GFPT2: variants seen among roughly 807,000 people sequenced by gnomAD.
GFPT2 encodes the protein glutamine--fructose-6-phosphate transaminase 2.
In GFPT2, 62 loss-of-function variants were observed where a neutral mutation model predicts 85.6. The observed-to-expected ratio is 0.72, with a 90% CI of 0.59 to 0.90. The LOEUF (loss-of-function observed/expected upper bound fraction) is 0.90, where lower values mean the gene tolerates loss of function less well. Ranked by LOEUF, GFPT2 falls within the 40% of genes least tolerant of loss-of-function variation. The probability of loss-of-function intolerance (pLI) is 0.00; values close to 1 mark genes in which losing one functional copy is unlikely to be tolerated. For synonymous variants in GFPT2, 368 were observed against 344.5 expected, an observed-to-expected ratio of 1.07 and a Z score of -0.75; for missense variants, 788 against 893.4, an observed-to-expected ratio of 0.88 and a Z score of 1.50.
chr5:180,346,851 G>A (rs1277719077), intron 1 of GFPT2, among the ~76,000 whole-genome samples: 3 of 152,228 alleles, frequency 2.0e-5, no homozygotes, highest in Non-Finnish European at 4.4e-5. Context: ...TGCCCACGGC[G>A]TAAGAAAGGC....
chr5:180,350,079 T>C (rs997982566), intron 1 of GFPT2, among the ~76,000 whole-genome samples: 3 of 151,974 alleles, frequency 2.0e-5, no homozygotes, highest in Non-Finnish European at 4.4e-5. Flanking sequence ...CCCGTGCTCG[T>C]GTCTGGGTCC....
intron 9 of GFPT2, 144 bp downstream of exon 9, chr5:180,324,044 A>G: frequency 1.5e-6 from 1 of 675,058 alleles, no homozygotes; most frequent in Admixed American, 2.5e-5. Context: ...GCCCAGGCCC[A>G]GGGATGGCTG....
intron 16 of GFPT2, 30 bp downstream of exon 16, chr5:180,307,146 T>TGGGGGTG: frequency 1.9e-6 from 1 of 539,554 alleles, no homozygotes; most frequent in Non-Finnish European, 2.7e-6. Context: ...CTGTCCTCCG[T>TGGGGGTG]GGGGGTGGGG....
In GFPT2 at chr5:180,302,519, A is replaced by C. The variant is rs1035411; in HGVS notation, c.1908T>G (p.Ile636Met). 1.2e-6 allele frequency: 2 copies of C among 1,613,696 alleles called. No individual in the cohort carries two copies. The highest frequency in any genetic ancestry group is 1.1e-5 in the South Asian group (1 of 91,066). ...GGCAGTCCACAGTGTGGGGCAGCTCAATTGTCTTATACGCAAACTTGGAAC... is the reference window on the plus strand; with the variant it reads ...GGCAGTCCACAGTGTGGGGCAGCTCCATTGTCTTATACGCAAACTTGGAAC... Reference protein sequence around the residue: ...TESSKFAYKTIELPHTVDCLQ... With the variant: ...TESSKFAYKTMELPHTVDCLQ... Residue 636 changes from isoleucine to methionine, a missense_variant, in exon 18 of 19, where the codon ATT becomes ATG. Coordinates refer to ENST00000253778, the MANE Select transcript of GFPT2 (RefSeq NM_005110.4).
At chr5:180,312,307 A>T in intron 15 of GFPT2, 123 bp downstream of exon 15, 1 of 660,456 alleles carries the variant, frequency 1.5e-6, no homozygotes, top group East Asian at 2.7e-5. Context: ...GAGTTGGGGA[A>T]GCTAGGAAGT....
chr5:180,336,809 C>T (rs1764410427), intron 2 of GFPT2, among the ~76,000 whole-genome samples: 1 of 152,248 alleles, frequency 6.6e-6, no homozygotes, highest in South Asian at 2.1e-4. Context: ...CCCAGCCCTG[C>T]TCCTGCCTAG....
chr5:180,352,495 G>T (rs1338616810), intron 1 of GFPT2: 1 of 448,684 alleles, frequency 2.2e-6, no homozygotes, highest in Non-Finnish European at 4.5e-6. Context: ...CCGCAGCCAC[G>T]CGGGACAGCG....
At chr5:180,308,906 G>A (rs1763825869) in intron 15 of GFPT2, among the ~76,000 whole-genome samples, 1 of 149,084 alleles carries the variant, frequency 6.7e-6, no homozygotes, top group Admixed American at 6.7e-5. Context: ...GTCTCACTCT[G>A]TCACCCAACC....
Position 180,317,503 on chromosome 5 carries a change from T to C in GFPT2, c.959-445A>G, listed in dbSNP as rs556815218. Among the ~76,000 whole-genome samples the C allele has an allele frequency of 1.8e-3, 266 of 145,378 alleles. 23 individuals are homozygous for C. The highest frequency in any genetic ancestry group is 7.5e-3 in the African/African-American group (261 of 35,022). On this transcript the variant is annotated intron_variant, in intron 10 of 18. Coordinates refer to ENST00000253778, the MANE Select transcript of GFPT2 (RefSeq NM_005110.4). ...GGCCGGGCGCAGTGGCTCACGCCTG[T>C]AATCCCAGCACTTTGGGAGGCCGAG...
At chr5:180,317,746 A>G (rs4700941) in intron 10 of GFPT2, among the ~76,000 whole-genome samples, 36,586 of 99,134 alleles carry the variant, frequency 0.37, 6,903 homozygotes, top group East Asian at 0.44. Flanking sequence ...GCGACAGAGC[A>G]AGACTCCGTC....
intron 2 of GFPT2, among the ~76,000 whole-genome samples, chr5:180,337,611 C>T (rs760863479): frequency 2.6e-5 from 4 of 152,142 alleles, no homozygotes; most frequent in South Asian, 2.1e-4. Flanking sequence ...CAGACAACAG[C>T]GACCGGAGAA....
At chr5:180,321,323 T>C (rs1764115806) in intron 9 of GFPT2, among the ~76,000 whole-genome samples, 2 of 152,238 alleles carry the variant, frequency 1.3e-5, no homozygotes, top group East Asian at 1.9e-4. Flanking sequence ...TATTTATGTG[T>C]GCATGTACAT....
intron 9 of GFPT2, among the ~76,000 whole-genome samples, chr5:180,322,760 G>C (rs960921565): frequency 1.3e-5 from 2 of 152,122 alleles, no homozygotes; most frequent in African/African-American, 4.8e-5. Flanking sequence ...CATCTGGATG[G>C]GCGCGGTGGC....
In GFPT2 at chr5:180,307,312, T is replaced by A. The variant is rs3763131; in HGVS notation, c.1547-9A>T. 1 of 1,613,314 alleles carries A rather than the reference T, an allele frequency of 6.2e-7. No individual in the cohort carries two copies. Among genetic ancestry groups the A allele is most frequent in the South Asian group, 1.1e-5 (1 of 91,026 alleles). ...CACTTCCTTGATCAGCTCTGGGCCA[T>A]GCACGGAGCAGAGGGAGAAAACCAG... On this transcript the variant is annotated splice_polypyrimidine_tract_variant and intron_variant, in intron 15 of 18. Coordinates refer to ENST00000253778, the MANE Select transcript of GFPT2 (RefSeq NM_005110.4).
chr5:180,328,208 G>C lies in GFPT2; in HGVS notation c.596+69C>G. ...GCGTGCCACAGGCCCTACCTCTCCCGTCTCCCTCCAGCTAAGTGATTTTAT... is the reference window on the plus strand; with the variant it reads ...GCGTGCCACAGGCCCTACCTCTCCCCTCTCCCTCCAGCTAAGTGATTTTAT... On this transcript the variant is annotated intron_variant, in intron 7 of 18. Coordinates refer to ENST00000253778, the MANE Select transcript of GFPT2 (RefSeq NM_005110.4). This position sits in a 1 kb window ranked among gnomAD's most constrained non-coding sequence, Gnocchi z 5.4. 1 of 1,185,550 alleles carries C rather than the reference G, an allele frequency of 8.4e-7. No homozygotes were observed. Among genetic ancestry groups the C allele is most frequent in the Non-Finnish European group, 1.3e-6 (1 of 789,770 alleles). The allele number at this position is 1,185,550 out of a possible 1,614,324, so 73.4% of individuals were successfully genotyped here.
chr5:180,342,964 G>A (rs4432844), intron 1 of GFPT2, among the ~76,000 whole-genome samples: 51,010 of 151,864 alleles, frequency 0.34, 8,782 homozygotes, highest in South Asian at 0.37. Flanking sequence ...GTTCCCTGTG[G>A]GGACATGGTC....
At chr5:180,301,874 A>C (rs998441495) in intron 18 of GFPT2, among the ~76,000 whole-genome samples, 2 of 151,844 alleles carry the variant, frequency 1.3e-5, no homozygotes, top group Admixed American at 1.3e-4. Flanking sequence ...TCATGCTTTT[A>C]AACACAGGTA....
intron 9 of GFPT2, among the ~76,000 whole-genome samples, chr5:180,322,550 G>A (rs1380631958): frequency 2.6e-5 from 4 of 152,210 alleles, no homozygotes; most frequent in Non-Finnish European, 5.9e-5. Context: ...AGAATAAGGT[G>A]GACAAGGTCC....
At chr5:180,324,342 G>T in intron 8 of GFPT2, 37 bp from the exon 9 acceptor site, 1 of 1,177,672 alleles carries the variant, frequency 8.5e-7, no homozygotes, top group Non-Finnish European at 1.3e-6. Context: ...ATCCCACTGG[G>T]ATGTTTTGTT....
Sources: allele counts gnomAD v4.1 joint callset (sites outside exome capture counted in the v4.1 genomes callset), GRCh38; gene constraint gnomAD v4.1.1; non-coding constraint Gnocchi (gnomAD v3.1); transcripts MANE v1.5; gene names NCBI Gene and HGNC (gene_info 2026-07-23, HGNC 2026-07-21).